CUL1: variants seen among roughly 807,000 people sequenced by gnomAD.
The protein encoded by CUL1 is cullin-1.
A neutral mutation model predicts 118.0 loss-of-function variants in CUL1; 24 were observed. The observed-to-expected ratio is 0.20, with a 90% CI of 0.15 to 0.29. CUL1 has a LOEUF of 0.29. Among genes scored for constraint, CUL1 ranks in the 10% least tolerant of loss-of-function variants. CUL1 has a pLI of 1.00. For synonymous variants in CUL1, 332 were observed against 340.4 expected (o/e 0.98, Z 0.27); for missense variants, 361 against 933.8 (o/e 0.39, Z 7.99).
intron 3 of CUL1, among the ~76,000 whole-genome samples, chr7:148,755,380 T>A (rs560308624): frequency 6.6e-6 from 1 of 152,362 alleles, no homozygotes; most frequent in Non-Finnish European, 1.5e-5. Context: ...TAAATATTTT[T>A]TATTTACACA....
At chr7:148,795,292 C>G (rs1027853327) in intron 17 of CUL1, among the ~76,000 whole-genome samples, 1 of 151,982 alleles carries the variant, frequency 6.6e-6, no homozygotes, top group African/African-American at 2.4e-5. Flanking sequence ...CCACCATGCT[C>G]AGCTAATTTT....
intron 1 of CUL1, among the ~76,000 whole-genome samples, chr7:148,700,087 T>C (rs1404831481): frequency 6.6e-6 from 1 of 152,192 alleles, no homozygotes. Flanking sequence ...TCTTTTCCGA[T>C]TGGGTCACTC....
chr7:148,798,512 C>G (rs1400408614), intron 19 of CUL1, 60 bp from the exon 20 acceptor site: 1 of 1,255,382 alleles, frequency 8.0e-7, no homozygotes, highest in Non-Finnish European at 1.2e-6. Flanking sequence ...AAATAGAAAG[C>G]AGCCTTCACT....
chr7:148,786,975 G>A lies in CUL1; in HGVS notation c.1348-14G>A, dbSNP rs1402877974. 1 of 1,543,560 alleles carries A rather than the reference G, an allele frequency of 6.5e-7. No homozygotes were observed. Among genetic ancestry groups the A allele is most frequent in the Non-Finnish European group, 8.7e-7 (1 of 1,147,218 alleles). On this transcript the variant is annotated splice_polypyrimidine_tract_variant and intron_variant, in intron 12 of 21. Coordinates refer to ENST00000325222, the MANE Select transcript of CUL1 (RefSeq NM_003592.3). ...GTGTGCTGGTTAAGTGTGTTGTCTC[G>A]GTGGCTTTGCCAGATGGTTGTCTTC...
chr7:148,763,443 C>T (rs560251629), intron 7 of CUL1, among the ~76,000 whole-genome samples: 20 of 152,300 alleles, frequency 1.3e-4, no homozygotes, highest in African/African-American at 4.6e-4. Context: ...TGCTCTCATC[C>T]TATAGCCTTG....
intron 1 of CUL1, among the ~76,000 whole-genome samples, chr7:148,729,337 T>C (rs905726041): frequency 7.9e-5 from 12 of 152,302 alleles, no homozygotes; most frequent in African/African-American, 2.9e-4. Flanking sequence ...TTAGAGAGGT[T>C]AAGAAACTCA....
At chr7:148,740,730 G>T (rs544905589) in intron 2 of CUL1, among the ~76,000 whole-genome samples, 3 of 152,272 alleles carry the variant, frequency 2.0e-5, no homozygotes, top group African/African-American at 7.2e-5. Flanking sequence ...AAATAAAATC[G>T]TGAGGGTGGG....
At chr7:148,700,495 G>A (rs114996910) in intron 1 of CUL1, among the ~76,000 whole-genome samples, 185 of 152,274 alleles carry the variant, frequency 1.2e-3, no homozygotes, top group African/African-American at 4.2e-3. Context: ...GTTTGAAAAA[G>A]ATATTTGGAG....
chr7:148,735,018 T>C (rs1247800793), intron 2 of CUL1, among the ~76,000 whole-genome samples: 1 of 152,202 alleles, frequency 6.6e-6, no homozygotes, highest in Non-Finnish European at 1.5e-5. Flanking sequence ...TTCCTTAGCC[T>C]GTTTTTTCCA....
intron 9 of CUL1, chr7:148,783,507 T>C (rs556446117): frequency 7.7e-7 from 1 of 1,295,712 alleles, no homozygotes; most frequent in African/African-American, 1.5e-5. Flanking sequence ...GTTTTCATGA[T>C]CTCTTTGAGT....
intron 1 of CUL1, among the ~76,000 whole-genome samples, chr7:148,720,623 C>T (rs557091370): frequency 4.6e-5 from 7 of 152,276 alleles, no homozygotes; most frequent in Non-Finnish European, 1.0e-4. Flanking sequence ...GCTTTCGTAA[C>T]TCCTAGGATT....
At chr7:148,797,186 A>G (rs1352444449) in intron 17 of CUL1, among the ~76,000 whole-genome samples, 3 of 152,176 alleles carry the variant, frequency 2.0e-5, no homozygotes, top group Non-Finnish European at 2.9e-5. Flanking sequence ...CATGAGCAGG[A>G]CATTATTTTC....
chr7:148,725,219 G>GCGCACGCGCACACACA, intron 1 of CUL1, among the ~76,000 whole-genome samples: 4 of 140,054 alleles, frequency 2.9e-5, no homozygotes, highest in African/African-American at 1.1e-4. Flanking sequence ...ACACGCGCGC[G>GCGCACGCGCACACACA]CTCACACACA....
At chr7:148,728,278 A>G (rs538530258) in intron 1 of CUL1, among the ~76,000 whole-genome samples, 95 of 150,988 alleles carry the variant, frequency 6.3e-4, no homozygotes, top group African/African-American at 2.2e-3. Flanking sequence ...TTTTTTTTTC[A>G]GTTGCTGATA....
chr7:148,789,478 C>T (rs1217647591), intron 14 of CUL1, among the ~76,000 whole-genome samples: 1 of 152,140 alleles, frequency 6.6e-6, no homozygotes, highest in African/African-American at 2.4e-5. Context: ...GCAAGGGAAG[C>T]AGGGCAGGCG....
In CUL1 at chr7:148,790,432, T is replaced by C. The variant is rs185166772; in HGVS notation, c.1797T>C (p.Tyr599=). The C allele has an allele frequency of 2.0e-5, 33 of 1,613,502 alleles. No homozygotes were observed. In the South Asian group the frequency reaches 2.3e-4, roughly 11 times the overall value. The change falls in exon 16 of 22, where the codon TAT becomes TAC. Residue 599 remains tyrosine, a synonymous_variant. Coordinates refer to ENST00000325222, the MANE Select transcript of CUL1 (RefSeq NM_003592.3). ...ELVTNCFKNR[Y]TLQASTFQMA... ...TAACTAACTGCTTCAAAAACAGATA[T>C]ACTTTGCAGGTAAGATCACATTTTT...
chr7:148,761,407 A>T (rs1475650689), intron 7 of CUL1, among the ~76,000 whole-genome samples: 1 of 152,174 alleles, frequency 6.6e-6, no homozygotes, highest in African/African-American at 2.4e-5. Context: ...GCTATTCAGG[A>T]GGCTGAAGCA....
chr7:148,759,434 C>T, intron 5 of CUL1, 80 bp downstream of exon 5: 1 of 1,493,642 alleles, frequency 6.7e-7, no homozygotes, highest in Non-Finnish European at 9.3e-7. Context: ...TCTCGTCACT[C>T]CTTCGGATTA....
chr7:148,759,365 G>A lies in CUL1; in HGVS notation c.534+11G>A, dbSNP rs752110254. 5 of 1,613,444 alleles carry A rather than the reference G, an allele frequency of 3.1e-6. No individual in the cohort carries two copies. The highest frequency in any genetic ancestry group is 4.2e-6 in the Non-Finnish European group (5 of 1,179,584). On this transcript the variant is annotated intron_variant, in intron 5 of 21. Coordinates refer to ENST00000325222, the MANE Select transcript of CUL1 (RefSeq NM_003592.3). ...CCACTGAATAAACAGGTACCTACTG[G>A]TGTGAGCGTGTGCATGTTCCTTTTA... is the stretch of plus-strand genomic sequence containing the variant.
Sources: allele counts gnomAD v4.1 joint callset (sites outside exome capture counted in the v4.1 genomes callset), GRCh38; gene constraint gnomAD v4.1.1; transcripts MANE v1.5; gene names NCBI Gene and HGNC (gene_info 2026-07-23, HGNC 2026-07-21).